The following PRKG1 variants were observed in gnomAD, a reference collection of about 807,000 sequenced individuals.
PRKG1 encodes the protein cGMP-dependent protein kinase 1.
A neutral mutation model predicts 88.1 loss-of-function variants in PRKG1; 35 were observed. The ratio of observed to expected loss-of-function variants is 0.40; its 90% CI spans 0.30 to 0.53. The LOEUF is 0.53. Among genes scored for constraint, PRKG1 ranks in the 20% least tolerant of loss-of-function variants. PRKG1 has a pLI of 0.59. For missense variants in PRKG1, 540 were observed against 839.8 expected (o/e 0.64, Z 4.41); for synonymous variants, 303 against 292.5 (o/e 1.04, Z -0.37).
intron 5 of PRKG1, among the ~76,000 whole-genome samples, chr10:52,019,868 T>G (rs1845137776): frequency 1.3e-5 from 2 of 152,186 alleles, no homozygotes; most frequent in South Asian, 4.1e-4. Context: ...TCCTCTGAGC[T>G]GAATAGCCTT....
chr10:51,127,051 G>C (rs1322703384), intron 1 of PRKG1, among the ~76,000 whole-genome samples: 7 of 152,168 alleles, frequency 4.6e-5, no homozygotes, highest in African/African-American at 1.4e-4. Context: ...TGTAGGCATG[G>C]ACAAAGATTT....
At chr10:52,154,699 G>T (rs977210134) in intron 8 of PRKG1, among the ~76,000 whole-genome samples, 52 of 152,090 alleles carry the variant, frequency 3.4e-4, no homozygotes, top group African/African-American at 1.2e-3. Flanking sequence ...GGTTACATGG[G>T]TAAGTTCTTT....
At chr10:51,285,815 C>T (rs1183143824) in intron 2 of PRKG1, among the ~76,000 whole-genome samples, 1 of 152,162 alleles carries the variant, frequency 6.6e-6, no homozygotes, top group Admixed American at 6.5e-5. Flanking sequence ...AAGCCGTCCC[C>T]CGCTTATGAA....
intron 4 of PRKG1, among the ~76,000 whole-genome samples, chr10:51,853,571 T>C (rs957448255): frequency 1.3e-5 from 2 of 152,210 alleles, no homozygotes; most frequent in Admixed American, 1.3e-4. Context: ...TTCCTTAGGC[T>C]GATAATTCTT....
rs16926627 is a variant in PRKG1 at position 52,107,073 on chromosome 10, C to T, written c.936-26767C>T. Among the ~76,000 whole-genome samples the T allele has an allele frequency of 2.3e-3, 356 of 152,260 alleles. 12 individuals carry two copies. The East Asian group carries it at 0.058, about 25-fold the overall frequency. ...ATCAGAGGAGGCAGATCAAGTTTCA[C>T]TGGAGAGACTGGCTATGAGTGAGTT... On this transcript the variant is annotated intron_variant, in intron 7 of 17. Transcript: ENST00000373980.
At chr10:51,337,090 A>C (rs1196611630) in intron 2 of PRKG1, among the ~76,000 whole-genome samples, 1 of 152,170 alleles carries the variant, frequency 6.6e-6, no homozygotes, top group Non-Finnish European at 1.5e-5. Context: ...AGAACAGAGA[A>C]CTTAGGAATA....
chr10:51,304,716 G>A (rs1840989113), intron 2 of PRKG1, among the ~76,000 whole-genome samples: 1 of 141,484 alleles, frequency 7.1e-6, no homozygotes, highest in South Asian at 2.2e-4. Context: ...TCCCACCTAT[G>A]AGTGAGAACA....
chr10:51,238,116 T>C (rs188425364), intron 2 of PRKG1, among the ~76,000 whole-genome samples: 1 of 152,344 alleles, frequency 6.6e-6, no homozygotes. Flanking sequence ...TATAAACTAA[T>C]TTTCCAAATC....
rs552123054 is a variant in PRKG1, at chr10:51,948,159, C to T, written c.762+40589C>T. 2.0e-5 allele frequency among the ~76,000 whole-genome samples: 3 copies of T among 152,194 alleles called. No individual in the cohort carries two copies. The East Asian group carries it at 5.8e-4, about 29-fold the overall frequency. On this transcript the variant is annotated intron_variant, in intron 5 of 17. Coordinates refer to ENST00000373980, the MANE Select transcript of PRKG1 (RefSeq NM_006258.4). Reference sequence around the variant, plus strand: ...AAATTATTTACATTGTTACCTCAAACAAGTGCTAGTTCACCATGATTCAAA... The same window carrying T: ...AAATTATTTACATTGTTACCTCAAATAAGTGCTAGTTCACCATGATTCAAA...
intron 1 of PRKG1, among the ~76,000 whole-genome samples, chr10:51,130,919 A>G (rs1845550678): frequency 6.6e-6 from 1 of 152,152 alleles, no homozygotes; most frequent in African/African-American, 2.4e-5. Flanking sequence ...AACAAAAACA[A>G]AAAAAGAAAA....
intron 2 of PRKG1, among the ~76,000 whole-genome samples, chr10:51,434,337 C>T (rs1838860872): frequency 1.3e-5 from 2 of 152,028 alleles, no homozygotes; most frequent in African/African-American, 2.4e-5. Flanking sequence ...GACGAAGTAG[C>T]GATTGAAAGG....
intron 1 of PRKG1, among the ~76,000 whole-genome samples, chr10:51,065,609 CCAT>C (rs765532070): frequency 6.6e-6 from 1 of 152,086 alleles, no homozygotes; most frequent in Non-Finnish European, 1.5e-5. Context: ...TTACACAACA[CCAT>C]CAATAAACAG....
chr10:51,216,488 T>C (rs1838374209), intron 2 of PRKG1, among the ~76,000 whole-genome samples: 1 of 152,216 alleles, frequency 6.6e-6, no homozygotes. Flanking sequence ...TTAACTTCTC[T>C]GTGCCTGGGT....
chr10:51,722,960 CGTGTTCTCT>C (rs1204009038), intron 3 of PRKG1, among the ~76,000 whole-genome samples: 21 of 152,142 alleles, frequency 1.4e-4, no homozygotes, highest in Non-Finnish European at 4.4e-5. Context: ...CCCAAATGAA[CGTGTTCTCT>C]GTGGCTCATC....
intron 3 of PRKG1, among the ~76,000 whole-genome samples, chr10:51,587,130 T>G (rs529881837): frequency 6.6e-6 from 1 of 152,266 alleles, no homozygotes; most frequent in South Asian, 2.1e-4. Context: ...TTTTTTGTCA[T>G]CTGAGAAATG....
intron 9 of PRKG1, among the ~76,000 whole-genome samples, chr10:52,243,767 C>T (rs562576762): frequency 1.5e-4 from 23 of 151,998 alleles, no homozygotes; most frequent in Admixed American, 2.6e-4. Context: ...ATTTTAAAGT[C>T]GTAGAAGAAA....
intron 4 of PRKG1, among the ~76,000 whole-genome samples, chr10:51,840,906 A>C (rs1374860036): frequency 1.3e-5 from 2 of 152,222 alleles, no homozygotes; most frequent in East Asian, 3.8e-4. Flanking sequence ...CTTATAAAAA[A>C]CAAACACTAA....
intron 2 of PRKG1, among the ~76,000 whole-genome samples, chr10:51,381,733 ATTTG>A (rs1336967965): frequency 2.0e-5 from 3 of 152,244 alleles, no homozygotes; most frequent in African/African-American, 7.2e-5. Flanking sequence ...AGTTAAGACA[ATTTG>A]GCTTGTGCTT....
At chr10:51,452,399 C>T (rs1839462665) in intron 2 of PRKG1, among the ~76,000 whole-genome samples, 1 of 151,726 alleles carries the variant, frequency 6.6e-6, no homozygotes, top group Admixed American at 6.6e-5. Flanking sequence ...TCAACTTTTC[C>T]CCATTCAGTG....
Sources: allele counts gnomAD v4.1 joint callset (sites outside exome capture counted in the v4.1 genomes callset), GRCh38; gene constraint gnomAD v4.1.1; transcripts MANE v1.5; gene names NCBI Gene and HGNC (gene_info 2026-07-23, HGNC 2026-07-21).